MAPRE2: variants seen among roughly 807,000 people sequenced by gnomAD.
MAPRE2 encodes the protein microtubule-associated protein RP/EB family member 2.
Under a neutral mutation model 43.2 loss-of-function variants are expected in MAPRE2, and 13 were observed. The observed-to-expected ratio is 0.30, with a 90% CI of 0.20 to 0.48. The LOEUF is 0.48. Among genes scored for constraint, MAPRE2 ranks in the 20% least tolerant of loss-of-function variants. The probability of loss-of-function intolerance (pLI) is 0.99; values close to 1 mark genes in which losing one functional copy is unlikely to be tolerated. For missense variants in MAPRE2, 161 were observed against 400.2 expected, an observed-to-expected ratio of 0.40 and a Z score of 5.10; for synonymous variants, 135 against 148.8, an observed-to-expected ratio of 0.91 and a Z score of 0.68.
chr18:35,057,870 G>T (rs1251324428), intron 1 of MAPRE2, among the ~76,000 whole-genome samples: 1 of 152,194 alleles, frequency 6.6e-6, no homozygotes, highest in East Asian at 1.9e-4. Context: ...TCCTAGTTTT[G>T]ATAGTATTTC....
Position 35,009,557 on chromosome 18 carries a change from T to C in MAPRE2, c.-8+4004T>C, listed in dbSNP as rs147256924. Among the ~76,000 whole-genome samples, 144 of 152,302 alleles carry C rather than the reference T, an allele frequency of 9.5e-4. 1 individual carries two copies. Among genetic ancestry groups the C allele is most frequent in the Non-Finnish European group, 1.5e-5 (1 of 68,022 alleles). ...TCATCAGTTATTGTGTCAGAATCTG[T>C]GGGAACATCTGCTTCTGGAAGCTTG... On this transcript the variant is annotated intron_variant, in intron 2 of 7. Coordinates refer to the MAPRE2 transcript ENST00000413393.
At chr18:34,989,637 G>A (rs1002572873) in intron 1 of MAPRE2, among the ~76,000 whole-genome samples, 1 of 152,092 alleles carries the variant, frequency 6.6e-6, no homozygotes, top group African/African-American at 2.4e-5. Context: ...CTTGAACCTG[G>A]GTGTTCAAGG....
rs9966039 is a variant in MAPRE2, at chr18:35,013,316, A to G, written c.-8+7763A>G. 7.4e-3 allele frequency among the ~76,000 whole-genome samples: 1,132 copies of G among 152,312 alleles called. 10 individuals are homozygous for G. Among genetic ancestry groups the G allele is most frequent in the African/African-American group, 0.025 (1,036 of 41,556 alleles). On this transcript the variant is annotated intron_variant, in intron 2 of 7. Coordinates refer to the MAPRE2 transcript ENST00000413393. The stretch of plus-strand genomic sequence containing the variant: ...TAGAAGAGACCTGAGTGATTTAAAC[A>G]CTGCCTGGAGGCAGCCAGTGGACAA...
chr18:34,985,021 A>T (rs1326893438), intron 1 of MAPRE2, among the ~76,000 whole-genome samples: 55 of 70,020 alleles, frequency 7.9e-4, no homozygotes, highest in African/African-American at 1.8e-3. Flanking sequence ...TATGTTATAT[A>T]ATATATAAAA....
intron 4 of MAPRE2, among the ~76,000 whole-genome samples, chr18:35,103,835 GTTCAT>G (rs1908786332): frequency 6.6e-6 from 1 of 152,116 alleles, no homozygotes; most frequent in African/African-American, 2.4e-5. Flanking sequence ...GCCTGAAAGA[GTTCAT>G]TAGATTTCTC....
At chr18:35,035,279 G>T (rs371100413) in intron 2 of MAPRE2, among the ~76,000 whole-genome samples, 3 of 150,642 alleles carry the variant, frequency 2.0e-5, no homozygotes, top group South Asian at 4.2e-4. Flanking sequence ...ACCAAACACC[G>T]CATGTTCTCA....
intron 2 of MAPRE2, among the ~76,000 whole-genome samples, chr18:35,086,854 C>A (rs144832944): frequency 6.6e-6 from 1 of 152,036 alleles, no homozygotes; most frequent in Admixed American, 6.6e-5. Context: ...CATATGAAAA[C>A]GCTAACAGAT....
chr18:35,073,599 C>T (rs1379386222), intron 2 of MAPRE2, among the ~76,000 whole-genome samples: 1 of 152,178 alleles, frequency 6.6e-6, no homozygotes, highest in Non-Finnish European at 1.5e-5. Context: ...TTCCTGAAGA[C>T]TTACGCTCCA....
chr18:35,072,169 C>T (rs1289479680), intron 2 of MAPRE2, among the ~76,000 whole-genome samples: 2 of 152,186 alleles, frequency 1.3e-5, no homozygotes, highest in African/African-American at 4.8e-5. Context: ...TTTTAACTTG[C>T]TGCCAAAAAA....
chr18:34,988,850 C>T (rs1317197597), intron 1 of MAPRE2: 2 of 152,158 alleles, frequency 1.3e-5, no homozygotes, highest in African/African-American at 2.4e-5. Flanking sequence ...AATCAAAAGG[C>T]AGGTTTTCTT....
Position 35,142,960 on chromosome 18 carries a change from C to T in MAPRE2, c.*2591C>T, listed in dbSNP as rs536623339. ...CCCAGTTTCATCCTTAGTACCCCCC[C>T]TCGTGCCCGCTGTCGGCTGGTTATA... On this transcript the variant is annotated 3_prime_UTR_variant, in exon 7 of 7. Coordinates refer to ENST00000300249, the MANE Select transcript of MAPRE2 (RefSeq NM_014268.4). 5 of 151,942 alleles carry T rather than the reference C, an allele frequency of 3.3e-5. No individual in the cohort carries two copies. Among genetic ancestry groups the T allele is most frequent in the Admixed American group, 1.3e-4 (2 of 15,236 alleles). The allele number at this position is 151,942 out of a possible 1,614,324, so 9.4% of individuals were successfully genotyped here. A position where few individuals can be genotyped will look rare whatever the true frequency, so the allele number is the denominator to read the frequency against.
At position 35,140,977 on chromosome 18, in the gene MAPRE2, G is replaced by A. The variant is rs541805692; in HGVS notation, c.*608G>A. The A allele has an allele frequency of 1.3e-5, 2 of 152,476 alleles. No homozygotes were observed. Among genetic ancestry groups the A allele is most frequent in the African/African-American group, 4.8e-5 (2 of 41,554 alleles). 9.4% of individuals were successfully genotyped at this position (152,476 alleles called of 1,614,324 possible). Reference sequence around the variant, plus strand: ...AGGGAAAAAATGGATTCAAAGCTAGGATTTCAGGGCCCAGCAGTGTTCCTC... The same window carrying A: ...AGGGAAAAAATGGATTCAAAGCTAGAATTTCAGGGCCCAGCAGTGTTCCTC... On this transcript the variant is annotated 3_prime_UTR_variant, in exon 7 of 7. Coordinates refer to ENST00000300249, the MANE Select transcript of MAPRE2 (RefSeq NM_014268.4).
chr18:35,007,362 A>G (rs2097032325), intron 2 of MAPRE2, among the ~76,000 whole-genome samples: 1 of 152,216 alleles, frequency 6.6e-6, no homozygotes, highest in Admixed American at 6.5e-5. Context: ...GTAACAGGAA[A>G]AGGTGGCCCA....
chr18:35,053,132 G>A (rs1906039520), intron 1 of MAPRE2, among the ~76,000 whole-genome samples: 1 of 152,078 alleles, frequency 6.6e-6, no homozygotes, highest in South Asian at 2.1e-4. Context: ...TGTGGCTCAT[G>A]CCTGTAATCC....
In MAPRE2 at chr18:35,137,778, G is replaced by A. The variant is rs544461168; in HGVS notation, c.910-2517G>A. Among the ~76,000 whole-genome samples the A allele has an allele frequency of 3.3e-4, 50 of 152,246 alleles. 1 individual carries two copies. Among genetic ancestry groups the A allele is most frequent in the Non-Finnish European group, 2.9e-4 (20 of 68,000 alleles). On this transcript the variant is annotated intron_variant, in intron 6 of 6. Transcript: ENST00000300249. ...CGGGACTGTGGTGCGCCCTCCCACCGAAGCAGAAACTGAGGATAGGAAGCT... is the reference window on the plus strand; with the variant it reads ...CGGGACTGTGGTGCGCCCTCCCACCAAAGCAGAAACTGAGGATAGGAAGCT...
intron 4 of MAPRE2, among the ~76,000 whole-genome samples, chr18:35,108,403 G>C (rs1909012268): frequency 6.6e-6 from 1 of 152,100 alleles, no homozygotes; most frequent in African/African-American, 2.4e-5. Flanking sequence ...CCATGTCTTT[G>C]CTATTGTAAA....
intron 4 of MAPRE2, among the ~76,000 whole-genome samples, chr18:35,126,360 C>T (rs1909901133): frequency 6.6e-6 from 1 of 152,204 alleles, no homozygotes; most frequent in Non-Finnish European, 1.5e-5. Flanking sequence ...ACATTCCCTG[C>T]ACCATCCCTA....
chr18:34,990,260 T>C (rs1422928116), intron 1 of MAPRE2, among the ~76,000 whole-genome samples: 3 of 152,196 alleles, frequency 2.0e-5, no homozygotes, highest in African/African-American at 7.2e-5. Flanking sequence ...GAATAACTTC[T>C]GGAAGTCCAC....
chr18:35,110,111 C>T (rs190498688), intron 4 of MAPRE2, among the ~76,000 whole-genome samples: 49 of 152,122 alleles, frequency 3.2e-4, no homozygotes, highest in African/African-American at 1.2e-3. Context: ...TGCAGCCACC[C>T]CTATAGTTGT....
Sources: allele counts gnomAD v4.1 joint callset (sites outside exome capture counted in the v4.1 genomes callset), GRCh38; gene constraint gnomAD v4.1.1; transcripts MANE v1.5; gene names NCBI Gene and HGNC (gene_info 2026-07-23, HGNC 2026-07-21).